The following CLSTN2 variants were observed in gnomAD, a reference collection of about 807,000 sequenced individuals.
CLSTN2 encodes calsyntenin 2, also known as calsyntenin-2.
In CLSTN2, 48 loss-of-function variants were observed where a neutral mutation model predicts 101.2. That is an observed-to-expected ratio of 0.47 (90% CI 0.38 to 0.60). The LOEUF (loss-of-function observed/expected upper bound fraction) is 0.60. CLSTN2 is among the 20% of genes least tolerant of loss of function. The probability of loss-of-function intolerance (pLI) is 0.00; values close to 1 mark genes in which losing one functional copy is unlikely to be tolerated. For synonymous variants in CLSTN2, 481 were observed against 463.6 expected (o/e 1.04, Z -0.48); for missense variants, 1,160 against 1,238.2 (o/e 0.94, Z 0.95).
intron 2 of CLSTN2, among the ~76,000 whole-genome samples, chr3:140,262,773 A>G (rs1402968768): frequency 3.9e-5 from 6 of 152,190 alleles, no homozygotes; most frequent in Non-Finnish European, 8.8e-5. Context: ...GTCTGGAAGC[A>G]GTCAACAAAG....
At chr3:140,236,426 G>T (rs369371543) in intron 2 of CLSTN2, among the ~76,000 whole-genome samples, 144 of 151,978 alleles carry the variant, frequency 9.5e-4, no homozygotes, top group African/African-American at 3.4e-3. Context: ...CTCTAATATT[G>T]GTTTTCAGCA....
chr3:140,345,176 A>G (rs979396793), intron 2 of CLSTN2, among the ~76,000 whole-genome samples: 1 of 151,400 alleles, frequency 6.6e-6, no homozygotes, highest in African/African-American at 2.4e-5. Flanking sequence ...GTTTCTTGCC[A>G]GTTTGTTCCC....
At chr3:140,460,725 C>T (rs2108017096) in intron 7 of CLSTN2, among the ~76,000 whole-genome samples, 1 of 152,270 alleles carries the variant, frequency 6.6e-6, no homozygotes, top group East Asian at 1.9e-4. Flanking sequence ...ACACAAACAT[C>T]CCAAGATCTT....
intron 1 of CLSTN2, among the ~76,000 whole-genome samples, chr3:140,126,902 A>T (rs2107802067): frequency 6.6e-6 from 1 of 152,226 alleles, no homozygotes; most frequent in East Asian, 1.9e-4. Flanking sequence ...GCTGTAACCC[A>T]TCGTGGGGTG....
rs1220595996 is a variant in CLSTN2 at position 140,552,202 on chromosome 3, C to T, written c.1675-4311C>T. Among the ~76,000 whole-genome samples, 5 of 152,118 alleles carry T rather than the reference C, an allele frequency of 3.3e-5. No homozygotes were observed. The East Asian group carries it at 9.7e-4, about 29-fold the overall frequency. ...AGTCTCTAATAAGAAGACCATTCTG[C>T]AAGGGCTATCTGTCTAGCACCTTCT... is the stretch of plus-strand genomic sequence containing the variant. On this transcript the variant is annotated intron_variant, in intron 10 of 16. Coordinates refer to ENST00000458420, the MANE Select transcript of CLSTN2 (RefSeq NM_022131.3).
chr3:140,054,996 G>A (rs1035013484), intron 1 of CLSTN2, among the ~76,000 whole-genome samples: 4 of 152,146 alleles, frequency 2.6e-5, no homozygotes, highest in Non-Finnish European at 5.9e-5. Context: ...ATGCCTGCAG[G>A]CTTATATATT....
intron 1 of CLSTN2, among the ~76,000 whole-genome samples, chr3:140,109,444 G>A (rs1425366340): frequency 6.6e-6 from 1 of 152,200 alleles, no homozygotes; most frequent in Non-Finnish European, 1.5e-5. Flanking sequence ...CTCTTGCCTA[G>A]CTGAGGTGAT....
At chr3:140,359,792 C>T (rs1248097756) in intron 2 of CLSTN2, among the ~76,000 whole-genome samples, 1 of 151,970 alleles carries the variant, frequency 6.6e-6, no homozygotes, top group Non-Finnish European at 1.5e-5. Context: ...CAATTATATC[C>T]TCTTGCCCAG....
chr3:140,166,246 C>T (rs1316881700), intron 1 of CLSTN2, among the ~76,000 whole-genome samples: 1 of 152,182 alleles, frequency 6.6e-6, no homozygotes, highest in Non-Finnish European at 1.5e-5. Flanking sequence ...AATACATTGG[C>T]CTACTCCACC....
chr3:140,459,866 A>G, intron 7 of CLSTN2, 97 bp downstream of exon 7: 1 of 1,417,736 alleles, frequency 7.1e-7, no homozygotes, highest in Non-Finnish European at 9.8e-7. Context: ...GAGGATGTGG[A>G]AGAAAAGCAG....
At chr3:140,221,417 TA>T (rs901009794) in intron 2 of CLSTN2, among the ~76,000 whole-genome samples, 11 of 149,082 alleles carry the variant, frequency 7.4e-5, no homozygotes, top group South Asian at 4.3e-4. Flanking sequence ...TTTTAAATTC[TA>T]AAAAAAAAAG....
chr3:140,483,045 T>C (rs916479304), intron 8 of CLSTN2, among the ~76,000 whole-genome samples: 22 of 152,378 alleles, frequency 1.4e-4, no homozygotes, highest in South Asian at 4.1e-4. Flanking sequence ...AGGGCGTCAA[T>C]TTTAGATCTT....
At chr3:140,300,562 T>C (rs2087048059) in intron 2 of CLSTN2, among the ~76,000 whole-genome samples, 1 of 152,132 alleles carries the variant, frequency 6.6e-6, no homozygotes, top group African/African-American at 2.4e-5. Context: ...CAGGGTTCTT[T>C]TGGGGTCAGG....
intron 2 of CLSTN2, among the ~76,000 whole-genome samples, chr3:140,266,042 C>T (rs1410573481): frequency 6.6e-6 from 1 of 152,168 alleles, no homozygotes; most frequent in Non-Finnish European, 1.5e-5. Flanking sequence ...CCTAACAAAC[C>T]TTCCAGTACT....
At chr3:140,414,981 A>G (rs2088411757) in intron 4 of CLSTN2, among the ~76,000 whole-genome samples, 1 of 152,156 alleles carries the variant, frequency 6.6e-6, no homozygotes, top group South Asian at 2.1e-4. Flanking sequence ...CTGTCATAAA[A>G]ACAGACACAT....
At chr3:140,532,579 A>G in intron 9 of CLSTN2, 93 bp downstream of exon 9, 1 of 1,173,520 alleles carries the variant, frequency 8.5e-7, no homozygotes, top group Non-Finnish European at 1.2e-6. Flanking sequence ...TGGTGTGAGA[A>G]TAGTCTAGAA....
chr3:140,032,054 A>T (rs1384601066), intron 1 of CLSTN2, among the ~76,000 whole-genome samples: 1 of 152,208 alleles, frequency 6.6e-6, no homozygotes, highest in African/African-American at 2.4e-5. Context: ...GCACAAGTAG[A>T]GGTGGGAAGG....
At chr3:139,963,171 ACT>A (rs1479645283) in intron 1 of CLSTN2, among the ~76,000 whole-genome samples, 1 of 152,044 alleles carries the variant, frequency 6.6e-6, no homozygotes, top group Non-Finnish European at 1.5e-5. Context: ...CAAAAGGGAC[ACT>A]CTGTGCACAC....
chr3:140,511,696 C>G (rs536147637), intron 8 of CLSTN2, among the ~76,000 whole-genome samples: 50 of 150,854 alleles, frequency 3.3e-4, no homozygotes, highest in African/African-American at 1.2e-3. Flanking sequence ...ACTACAGATG[C>G]CAGCCACCAC....
Sources: allele counts gnomAD v4.1 joint callset (sites outside exome capture counted in the v4.1 genomes callset), GRCh38; gene constraint gnomAD v4.1.1; transcripts MANE v1.5; gene names NCBI Gene and HGNC (gene_info 2026-07-23, HGNC 2026-07-21).